ATOSA: variants seen among roughly 807,000 people sequenced by gnomAD.
The protein encoded by ATOSA is atos homolog protein A.
At chr15:52,689,366 T>C in the ATOSA span, among the ~76,000 whole-genome samples, 3 of 152,220 alleles carry the variant, frequency 2.0e-5, no homozygotes, top group African/African-American at 7.2e-5. Context: ...CATCAGGATG[T>C]ACCATGATTC....
At chr15:52,701,111 A>G in the ATOSA span, among the ~76,000 whole-genome samples, 2 of 152,238 alleles carry the variant, frequency 1.3e-5, no homozygotes, top group Non-Finnish European at 2.9e-5. Flanking sequence ...CAAAGCCTCT[A>G]TACTTAAAAC....
At chr15:52,667,100 G>A in the ATOSA span, among the ~76,000 whole-genome samples, 4 of 152,214 alleles carry the variant, frequency 2.6e-5, no homozygotes, top group African/African-American at 9.6e-5. Flanking sequence ...ACCAGGAAAT[G>A]AGGTCAGTCA....
chr15:52,658,105 T>C, the ATOSA span: 3 of 152,206 alleles, frequency 2.0e-5, no homozygotes, highest in Non-Finnish European at 2.9e-5. Context: ...TCAACAAACA[T>C]GGACTTTGGA....
chr15:52,645,925 G>A, the ATOSA span, among the ~76,000 whole-genome samples: 3 of 152,148 alleles, frequency 2.0e-5, no homozygotes, highest in East Asian at 5.8e-4. Context: ...AGAATATTCT[G>A]TGTTAAAAAG....
chr15:52,662,535 C>T, the ATOSA span, among the ~76,000 whole-genome samples: 1 of 152,212 alleles, frequency 6.6e-6, no homozygotes, highest in South Asian at 2.1e-4. Context: ...CTTTGGGAGG[C>T]CAAGGAGGGC....
chr15:52,622,639 T>C, the ATOSA span, among the ~76,000 whole-genome samples: 1 of 152,024 alleles, frequency 6.6e-6, no homozygotes, highest in Non-Finnish European at 1.5e-5. Context: ...TTATATCAGG[T>C]GGTTAAGGAG....
the ATOSA span, among the ~76,000 whole-genome samples, chr15:52,632,882 G>C: frequency 1.3e-5 from 2 of 152,134 alleles, no homozygotes; most frequent in African/African-American, 4.8e-5. Context: ...TAACATAACT[G>C]ATGGCCAAGG....
chr15:52,707,591 G>A, the ATOSA span, among the ~76,000 whole-genome samples: 2 of 152,202 alleles, frequency 1.3e-5, no homozygotes, highest in Non-Finnish European at 2.9e-5. Context: ...AAGTATTACT[G>A]TTCGGACAAG....
chr15:52,589,901 C>G, the ATOSA span, among the ~76,000 whole-genome samples: 1 of 151,926 alleles, frequency 6.6e-6, no homozygotes, highest in Admixed American at 6.6e-5. Context: ...CATTCTCATG[C>G]CTCAGCCTCC....
the ATOSA span, among the ~76,000 whole-genome samples, chr15:52,606,722 T>C: frequency 6.6e-6 from 1 of 152,304 alleles, no homozygotes; most frequent in South Asian, 2.1e-4. Flanking sequence ...AATTATACTT[T>C]TAGAAAATTG....
the ATOSA span, among the ~76,000 whole-genome samples, chr15:52,700,694 G>A: frequency 6.6e-6 from 1 of 152,168 alleles, no homozygotes; most frequent in African/African-American, 2.4e-5. Flanking sequence ...AGATAATTAA[G>A]CAGTATGTTA....
the ATOSA span, among the ~76,000 whole-genome samples, chr15:52,645,892 C>T: frequency 1.6e-4 from 24 of 152,304 alleles, no homozygotes; most frequent in Middle Eastern, 3.4e-3. Context: ...AAACCAAATT[C>T]TAGATTTACC....
chr15:52,628,636 A>G, the ATOSA span, among the ~76,000 whole-genome samples: 1 of 152,212 alleles, frequency 6.6e-6, no homozygotes, highest in African/African-American at 2.4e-5. Context: ...GATACAGCAA[A>G]ACTTTTAAAA....
the ATOSA span, among the ~76,000 whole-genome samples, chr15:52,636,375 A>C: frequency 6.6e-6 from 1 of 152,062 alleles, no homozygotes; most frequent in African/African-American, 2.4e-5. Flanking sequence ...CCCTTCCAAA[A>C]CTCATATGTT....
chr15:52,701,024 C>G, the ATOSA span, among the ~76,000 whole-genome samples: 1 of 152,040 alleles, frequency 6.6e-6, no homozygotes, highest in South Asian at 2.1e-4. Context: ...ACAAGAATAG[C>G]TGGAAAATGT....
chr15:52,664,952 G>A, the ATOSA span, among the ~76,000 whole-genome samples: 1 of 32,730 alleles, frequency 3.1e-5, no homozygotes, highest in East Asian at 2.4e-4. Context: ...GTTGGGGGTG[G>A]GGGGGTGCAG....
At chr15:52,633,082 G>C in the ATOSA span, among the ~76,000 whole-genome samples, 1 of 152,204 alleles carries the variant, frequency 6.6e-6, no homozygotes, top group East Asian at 1.9e-4. Flanking sequence ...AAATGGGAAT[G>C]ATATGTATTA....
At chr15:52,641,610 A>C in the ATOSA span, among the ~76,000 whole-genome samples, 1 of 152,256 alleles carries the variant, frequency 6.6e-6, no homozygotes, top group South Asian at 2.1e-4. Context: ...CAGTTGAAGG[A>C]GGCAGGCAAT....
the ATOSA span, chr15:52,629,718 CT>C: frequency 3.3e-6 from 1 of 299,418 alleles, no homozygotes; most frequent in Non-Finnish European, 7.1e-6. Flanking sequence ...AGCAGAATCG[CT>C]TGAACCCGGG....
Sources: gnomAD v4.1 joint callset for allele counts (sites outside exome capture counted in the v4.1 genomes callset) on GRCh38, gnomAD v4.1.1 for gene constraint, MANE v1.5 for transcripts, NCBI Gene and HGNC (gene_info 2026-07-23, HGNC 2026-07-21) for gene names.